Variants in PGBD5 observed in about 807,000 individuals in gnomAD.
PGBD5 encodes the protein piggyBac transposable element derived 5.
PGBD5 carries 14 observed loss-of-function variants against 47.9 expected under a neutral mutation model. The observed-to-expected ratio is 0.29, with a 90% CI of 0.19 to 0.46. The LOEUF is 0.46. Ranked by LOEUF, PGBD5 falls within the 20% of genes least tolerant of loss-of-function variation. The pLI, the probability that PGBD5 is intolerant of heterozygous loss-of-function variation, is 1.00. For synonymous variants in PGBD5, 316 were observed against 306.3 expected, an observed-to-expected ratio of 1.03 and a Z score of -0.33; for missense variants, 635 against 716.0, an observed-to-expected ratio of 0.89 and a Z score of 1.29.
chr1:230,328,963 C>T (rs970780517), intron 5 of PGBD5, among the ~76,000 whole-genome samples: 2 of 151,832 alleles, frequency 1.3e-5, no homozygotes, highest in African/African-American at 4.8e-5. Context: ...GAGACAGTCT[C>T]ACTCTGTTGC....
chr1:230,322,228 G>C lies in PGBD5; in HGVS notation c.*1197C>G, dbSNP rs1025922704. On this transcript the variant is annotated 3_prime_UTR_variant, in exon 7 of 7. Coordinates refer to ENST00000391860, the MANE Select transcript of PGBD5 (RefSeq NM_001258311.2). This position sits in a 1 kb window ranked among gnomAD's most constrained non-coding sequence, Gnocchi z 5.9. Reference sequence around the variant, plus strand: ...ACACACGAGCCTCGCTGCCAGTGCCGGGCACGCAGCCTCTCCAGTCCTGCC... The same window carrying C: ...ACACACGAGCCTCGCTGCCAGTGCCCGGCACGCAGCCTCTCCAGTCCTGCC... The C allele has an allele frequency of 6.6e-6, 1 of 152,202 alleles. No homozygotes were observed. Among genetic ancestry groups the C allele is most frequent in the Admixed American group, 6.5e-5 (1 of 15,274 alleles). 9.4% of individuals were successfully genotyped at this position (152,202 alleles called of 1,614,324 possible).
Position 230,425,326 on chromosome 1 carries a change from G to A in PGBD5, c.331+272C>T, listed in dbSNP as rs1241169467. Among the ~76,000 whole-genome samples, 1 of 152,112 alleles carries A rather than the reference G, an allele frequency of 6.6e-6. No individual in the cohort carries two copies. The highest frequency in any genetic ancestry group is 2.4e-5 in the African/African-American group (1 of 41,416). Reference sequence around the variant, plus strand: ...TGACAGACTTCCCATGCAGGGGCTGGGGTGCTCCCAGGAAGTGAAGGAAAA... The same window carrying A: ...TGACAGACTTCCCATGCAGGGGCTGAGGTGCTCCCAGGAAGTGAAGGAAAA... On this transcript the variant is annotated intron_variant, in intron 1 of 6. Coordinates refer to ENST00000391860, the MANE Select transcript of PGBD5 (RefSeq NM_001258311.2). The surrounding 1 kb of genome is among the most constrained non-coding windows in gnomAD (Gnocchi z 4.7).
At chr1:230,324,227 A>G (rs150730746) in intron 6 of PGBD5, among the ~76,000 whole-genome samples, 287 of 152,306 alleles carry the variant, frequency 1.9e-3, no homozygotes, top group African/African-American at 6.7e-3. Context: ...CACCCTGTAT[A>G]AAGTATGGGA....
At chr1:230,414,759 C>T (rs968685201) in intron 1 of PGBD5, among the ~76,000 whole-genome samples, 1 of 152,176 alleles carries the variant, frequency 6.6e-6, no homozygotes, top group African/African-American at 2.4e-5. Context: ...TTTGTATTCA[C>T]CTTCGATGCT....
rs1246244510 is a variant in PGBD5, at chr1:230,335,032, C to CACACACACAGGT, written c.1076-2003_1076-1992dup. Among the ~76,000 whole-genome samples, 24 of 152,068 alleles carry CACACACACAGGT rather than the reference C, an allele frequency of 1.6e-4. No individual in the cohort carries two copies. The South Asian group carries it at 5.0e-3, about 32-fold the overall frequency. On this transcript the variant is annotated intron_variant, in intron 4 of 6. Transcript: ENST00000391860. ...GCATCTACCCCACTCGACACAGACACACACACACAGGTACACACACAGACA... is the reference window on the plus strand; with the variant it reads ...GCATCTACCCCACTCGACACAGACACACACACACAGGTACACACACAGGTACACACACAGACA...
rs1222686549 is a variant in PGBD5, at chr1:230,316,605, T to C, written c.*6820A>G. 1 of 151,014 alleles carries C rather than the reference T, an allele frequency of 6.6e-6. No individual in the cohort carries two copies. Among genetic ancestry groups the C allele is most frequent in the Non-Finnish European group, 1.5e-5 (1 of 67,738 alleles). The allele number at this position is 151,014 out of a possible 1,614,324, so 9.4% of individuals were successfully genotyped here. On this transcript the variant is annotated 3_prime_UTR_variant, in exon 7 of 7. Coordinates refer to ENST00000391860, the MANE Select transcript of PGBD5 (RefSeq NM_001258311.2). ...AAAATCCTCATCTGCCCAATTATTG[T>C]TTTTTTTTCCTACCACGACTCTTGC...
intron 3 of PGBD5, among the ~76,000 whole-genome samples, chr1:230,345,940 T>G (rs1469362802): frequency 1.3e-5 from 2 of 152,234 alleles, no homozygotes; most frequent in African/African-American, 4.8e-5. Context: ...CAGGCTGGTC[T>G]CAAACTCCTG....
chr1:230,344,996 A>G (rs1667455451), intron 3 of PGBD5, among the ~76,000 whole-genome samples: 1 of 152,162 alleles, frequency 6.6e-6, no homozygotes, highest in Non-Finnish European at 1.5e-5. Context: ...GTGTTCATCC[A>G]TCTGTCAACA....
At chr1:230,424,141 G>A (rs74146025) in intron 1 of PGBD5, among the ~76,000 whole-genome samples, 132 of 152,242 alleles carry the variant, frequency 8.7e-4, no homozygotes, top group African/African-American at 3.1e-3. Context: ...TTCCAGGATC[G>A]AAATTACATC....
chr1:230,377,633 C>T (rs749399859), intron 1 of PGBD5: 19 of 1,496,380 alleles, frequency 1.3e-5, no homozygotes, highest in African/African-American at 7.0e-5. Flanking sequence ...TCTGACCTAC[C>T]GAACAGGTGC....
intron 2 of PGBD5, among the ~76,000 whole-genome samples, chr1:230,354,299 T>C (rs1044199343): frequency 6.6e-6 from 1 of 152,020 alleles, no homozygotes; most frequent in African/African-American, 2.4e-5. Context: ...TATGATGGAG[T>C]GTGCTGGGTG....
intron 1 of PGBD5, among the ~76,000 whole-genome samples, chr1:230,422,387 T>G (rs1657667790): frequency 6.6e-6 from 1 of 151,926 alleles, no homozygotes; most frequent in Admixed American, 6.6e-5. Flanking sequence ...GCTCACATGC[T>G]GTGTTGGTTA....
rs767642325 is a variant in PGBD5 at position 230,337,220 on chromosome 1, G to A, written c.963C>T (p.Leu321=). 6 of 1,614,168 alleles carry A rather than the reference G, an allele frequency of 3.7e-6. No homozygotes were observed. Among genetic ancestry groups the A allele is most frequent in the Non-Finnish European group, 5.1e-6 (6 of 1,180,034 alleles). The change falls in exon 4 of 7, where the codon CTC becomes CTT. Residue 321 remains leucine (L), a synonymous_variant. Coordinates refer to ENST00000391860, the MANE Select transcript of PGBD5 (RefSeq NM_001258311.2). ...ACAGGCTCCTGGCCACCATGCTGTG[G>A]AGCTGGGGCTTATTCTTCAGCGCAT... ...GLDALKNKPQ[L]HSMVARSLCR...
At chr1:230,396,223 C>CTTTACCCCCACA (rs1656958903) in intron 1 of PGBD5, among the ~76,000 whole-genome samples, 1 of 10,382 alleles carries the variant, frequency 9.6e-5, no homozygotes, top group African/African-American at 3.9e-4. Flanking sequence ...TCACATTCCT[C>CTTTACCCCCACA]CTTTTTACCC....
intron 2 of PGBD5, among the ~76,000 whole-genome samples, chr1:230,353,179 A>G (rs1344608506): frequency 6.6e-6 from 1 of 152,200 alleles, no homozygotes; most frequent in Non-Finnish European, 1.5e-5. Context: ...GCCTGCCAGA[A>G]AAACCACTTG....
At chr1:230,392,330 C>T (rs901944580) in intron 1 of PGBD5, among the ~76,000 whole-genome samples, 3 of 152,168 alleles carry the variant, frequency 2.0e-5, no homozygotes, top group Non-Finnish European at 4.4e-5. Context: ...CGTACCCCTG[C>T]GTCTCCCCTC....
At chr1:230,386,505 A>G (rs1260135379) in intron 1 of PGBD5, among the ~76,000 whole-genome samples, 1 of 152,190 alleles carries the variant, frequency 6.6e-6, no homozygotes, top group Non-Finnish European at 1.5e-5. Context: ...GAAGTTGCCA[A>G]ATTTCACTCT....
intron 4 of PGBD5, 32 bp from the exon 5 acceptor site, chr1:230,333,073 C>A: frequency 6.4e-7 from 1 of 1,561,064 alleles, no homozygotes; most frequent in South Asian, 1.2e-5. Context: ...ATCGCACACT[C>A]ACCACCATCG....
intron 1 of PGBD5, among the ~76,000 whole-genome samples, chr1:230,399,676 G>C (rs569572784): frequency 2.6e-5 from 4 of 152,280 alleles, no homozygotes; most frequent in South Asian, 4.2e-4. Context: ...TGTGCAGTGG[G>C]AGTAGGGTCA....
Sources: gnomAD v4.1 joint callset for allele counts (sites outside exome capture counted in the v4.1 genomes callset) on GRCh38, gnomAD v4.1.1 for gene constraint, Gnocchi (gnomAD v3.1) non-coding constraint, MANE v1.5 for transcripts, NCBI Gene and HGNC (gene_info 2026-07-23, HGNC 2026-07-21) for gene names.